IRAK2: variants seen among roughly 807,000 people sequenced by gnomAD.
IRAK2 encodes interleukin 1 receptor associated kinase 2, also known as interleukin-1 receptor-associated kinase-like 2.
In IRAK2, 57 loss-of-function variants were observed where a neutral mutation model predicts 72.0. The observed-to-expected ratio is 0.79, with a 90% CI of 0.64 to 0.99. The LOEUF (loss-of-function observed/expected upper bound fraction) is 0.99, where lower values mean the gene tolerates loss of function less well. IRAK2 is among the 50% of genes least tolerant of loss of function. The pLI is 0.00. For synonymous variants in IRAK2, 293 were observed against 312.7 expected, an observed-to-expected ratio of 0.94 and a Z score of 0.67; for missense variants, 790 against 794.4, an observed-to-expected ratio of 0.99 and a Z score of 0.07.
chr3:10,213,302 T>C lies in IRAK2; in HGVS notation c.624T>C (p.Asp208=). ...AGGCAGACGTGGTCCAGGCAACCGA[T>C]GACTTCAATCAAAACCGCAAAATCA... is the stretch of plus-strand genomic sequence containing the variant. ...WSEADVVQAT[D]DFNQNRKISQ... Residue 208 remains aspartate, a synonymous_variant, in exon 5 of 13, where the codon GAT becomes GAC. Coordinates refer to ENST00000256458, the MANE Select transcript of IRAK2 (RefSeq NM_001570.4). The C allele has an allele frequency of 6.2e-7, 1 of 1,614,124 alleles. No individual in the cohort carries two copies.
chr3:10,231,087 TC>T (rs774922714), intron 10 of IRAK2, among the ~76,000 whole-genome samples: 70 of 152,258 alleles, frequency 4.6e-4, no homozygotes, highest in Non-Finnish European at 8.5e-4. Flanking sequence ...AGAGATGGGG[TC>T]TTGTTACGTT....
chr3:10,192,962 C>T (rs777752831), intron 2 of IRAK2, among the ~76,000 whole-genome samples: 1 of 151,224 alleles, frequency 6.6e-6, no homozygotes, highest in African/African-American at 2.5e-5. Context: ...TTTTTATCCT[C>T]ATGGCTGGTC....
intron 12 of IRAK2, among the ~76,000 whole-genome samples, chr3:10,240,541 C>G (rs1184342650): frequency 5.6e-5 from 1 of 17,798 alleles, no homozygotes; most frequent in Non-Finnish European, 1.1e-4. Context: ...TAGGAAGCCC[C>G]CCCCCCCCCC....
chr3:10,212,528 C>A (rs1004158604), intron 4 of IRAK2, among the ~76,000 whole-genome samples: 1 of 152,138 alleles, frequency 6.6e-6, no homozygotes, highest in East Asian at 1.9e-4. Context: ...TGGGACCTCA[C>A]TTCAGCTGTT....
chr3:10,185,856 G>A (rs1242525817), intron 2 of IRAK2, among the ~76,000 whole-genome samples: 1 of 151,340 alleles, frequency 6.6e-6, no homozygotes, highest in Non-Finnish European at 1.5e-5. Flanking sequence ...CATCCTGGGC[G>A]ACAGACTACA....
At chr3:10,178,525 G>A (rs559334149) in intron 2 of IRAK2, among the ~76,000 whole-genome samples, 7 of 152,018 alleles carry the variant, frequency 4.6e-5, no homozygotes, top group East Asian at 3.9e-4. Context: ...AGAGGAACTG[G>A]GCTGCCAGAG....
intron 1 of IRAK2, among the ~76,000 whole-genome samples, chr3:10,171,005 C>A (rs530283854): frequency 6.6e-6 from 1 of 152,172 alleles, no homozygotes; most frequent in Non-Finnish European, 1.5e-5. Context: ...GTAGTGAGAA[C>A]GCTAAAGTGA....
intron 3 of IRAK2, among the ~76,000 whole-genome samples, chr3:10,206,781 C>G (rs1697439701): frequency 6.6e-6 from 1 of 152,070 alleles, no homozygotes; most frequent in South Asian, 2.1e-4. Flanking sequence ...GTCTCGAACT[C>G]CTGACCTCAG....
At chr3:10,229,615 C>T (rs965885275) in intron 10 of IRAK2, among the ~76,000 whole-genome samples, 2 of 152,138 alleles carry the variant, frequency 1.3e-5, no homozygotes, top group Non-Finnish European at 2.9e-5. Flanking sequence ...TTCTGTCCCC[C>T]TTCATGTAGC....
chr3:10,177,951 A>G lies in IRAK2; in HGVS notation c.208A>G (p.Thr70Ala), dbSNP rs1192990274. Residue 70 changes from threonine to alanine, a missense_variant, in exon 2 of 13, where the codon ACC (threonine) becomes GCC (alanine). Coordinates refer to ENST00000256458, the MANE Select transcript of IRAK2 (RefSeq NM_001570.4). ...LLWWWGMRQA[T>A]VQQLVDLLCR... ...GTGGTGGTGGGGCATGCGGCAGGCC[A>G]CCGTCCAGCAACTTGTGGACCTCCT... The G allele has an allele frequency of 6.2e-7, 1 of 1,613,664 alleles. No individual in the cohort carries two copies. The highest frequency in any genetic ancestry group is 2.2e-5 in the East Asian group (1 of 44,860).
intron 1 of IRAK2, among the ~76,000 whole-genome samples, chr3:10,170,190 T>G (rs1457588152): frequency 6.6e-6 from 1 of 152,186 alleles, no homozygotes; most frequent in African/African-American, 2.4e-5. Context: ...ATCAAGGCCA[T>G]GGGTGTGTAT....
intron 10 of IRAK2, among the ~76,000 whole-genome samples, chr3:10,227,718 C>G (rs944403228): frequency 2.7e-5 from 4 of 150,804 alleles, no homozygotes; most frequent in Non-Finnish European, 5.9e-5. Flanking sequence ...GCCCAGGCTG[C>G]AGTGCAGTGG....
chr3:10,240,537 G>GCC (rs781428702), intron 12 of IRAK2, among the ~76,000 whole-genome samples: 8 of 9,134 alleles, frequency 8.8e-4, no homozygotes, highest in Non-Finnish European at 1.2e-3. Context: ...AAATTAGGAA[G>GCC]CCCCCCCCCC....
intron 8 of IRAK2, among the ~76,000 whole-genome samples, chr3:10,221,634 T>A (rs1697694996): frequency 6.6e-6 from 1 of 151,484 alleles, no homozygotes; most frequent in Non-Finnish European, 1.5e-5. Flanking sequence ...TCACCGCAGC[T>A]TCCCACCTTA....
At chr3:10,188,100 C>T (rs986303188) in intron 2 of IRAK2, among the ~76,000 whole-genome samples, 4 of 152,094 alleles carry the variant, frequency 2.6e-5, no homozygotes, top group African/African-American at 9.7e-5. Flanking sequence ...AGCTGTGGCT[C>T]CCAGGCAAAG....
rs899325438 is a variant in IRAK2, at chr3:10,165,067, G to A, written c.94+19G>A. Reference sequence around the variant, plus strand: ...GAGTTCGGTGAGTGCGGCCCGGGGAGGGGAGGGGACCAGGGCGACCGGAGC... The same window carrying A: ...GAGTTCGGTGAGTGCGGCCCGGGGAAGGGAGGGGACCAGGGCGACCGGAGC... On this transcript the variant is annotated intron_variant, in intron 1 of 12. Transcript: ENST00000256458. The A allele has an allele frequency of 6.2e-7, 1 of 1,600,348 alleles. No individual in the cohort carries two copies. Among genetic ancestry groups the A allele is most frequent in the Non-Finnish European group, 8.5e-7 (1 of 1,172,198 alleles).
At chr3:10,173,135 G>A (rs1034381743) in intron 1 of IRAK2, among the ~76,000 whole-genome samples, 3 of 152,098 alleles carry the variant, frequency 2.0e-5, no homozygotes, top group African/African-American at 7.2e-5. Flanking sequence ...AGGTGCTGCT[G>A]TTATCCTTGT....
chr3:10,171,713 G>T (rs113734358), intron 1 of IRAK2, among the ~76,000 whole-genome samples: 2,400 of 148,998 alleles, frequency 0.016, 63 homozygotes, highest in African/African-American at 0.057. Context: ...CTCGTGATCC[G>T]CCCGCCTCAG....
rs1284874077 is a variant in IRAK2 at position 10,217,062 on chromosome 3, T to C, written c.903+14T>C. ...CTGCAGGGTCAGGTAAGGGACTGGG[T>C]CATGGTCAGAGAATGGGACCAGGCT... On this transcript the variant is annotated intron_variant, in intron 7 of 12. Coordinates refer to ENST00000256458, the MANE Select transcript of IRAK2 (RefSeq NM_001570.4). The C allele has an allele frequency of 1.9e-6, 3 of 1,584,004 alleles. No individual in the cohort carries two copies.
Sources: allele counts gnomAD v4.1 joint callset (sites outside exome capture counted in the v4.1 genomes callset), GRCh38; gene constraint gnomAD v4.1.1; transcripts MANE v1.5; gene names NCBI Gene and HGNC (gene_info 2026-07-23, HGNC 2026-07-21).